The following VDAC1 variants were observed in gnomAD, a reference collection of about 807,000 sequenced individuals.
VDAC1 encodes the protein non-selective voltage-gated ion channel VDAC1.
VDAC1 carries 10 observed loss-of-function variants against 34.7 expected under a neutral mutation model. That is an observed-to-expected ratio of 0.29 (90% CI 0.18 to 0.49). VDAC1 has a LOEUF of 0.49. Among genes scored for constraint, VDAC1 ranks in the 20% least tolerant of loss-of-function variants. VDAC1 has a pLI of 0.99. For synonymous variants in VDAC1, 130 were observed against 136.0 expected, an observed-to-expected ratio of 0.96 and a Z score of 0.30; for missense variants, 230 against 347.9, an observed-to-expected ratio of 0.66 and a Z score of 2.69.
chr5:133,977,751 A>T (rs1256926700), intron 6 of VDAC1, among the ~76,000 whole-genome samples: 1 of 152,192 alleles, frequency 6.6e-6, no homozygotes, highest in Non-Finnish European at 1.5e-5. Context: ...CAGAAAACAA[A>T]AACAGTTAAA....
the VDAC1 span, among the ~76,000 whole-genome samples, chr5:134,101,313 G>A: frequency 1.3e-5 from 2 of 152,168 alleles, no homozygotes; most frequent in Admixed American, 6.6e-5. Flanking sequence ...GGATTGGCCA[G>A]GCGCGGTGGC....
At chr5:134,014,313 TACAAGTGGTCAACAA>T in the VDAC1 span, among the ~76,000 whole-genome samples, 2 of 151,834 alleles carry the variant, frequency 1.3e-5, no homozygotes, top group Admixed American at 1.3e-4. Flanking sequence ...TAAAAAGACA[TACAAGTGGTCAACAA>T]ACATGAAAAA....
At chr5:134,073,860 A>G in the VDAC1 span, among the ~76,000 whole-genome samples, 1 of 152,192 alleles carries the variant, frequency 6.6e-6, no homozygotes, top group Non-Finnish European at 1.5e-5. Flanking sequence ...TTGTATCTAC[A>G]TACTTAACAA....
chr5:134,009,418 C>T (rs1753799467), upstream of VDAC1, among the ~76,000 whole-genome samples: 1 of 151,334 alleles, frequency 6.6e-6, no homozygotes, highest in Non-Finnish European at 1.5e-5. Flanking sequence ...GACACCATGC[C>T]CAGCTAATTT....
the VDAC1 span, among the ~76,000 whole-genome samples, chr5:134,034,182 A>C: frequency 1.3e-3 from 5 of 3,960 alleles, no homozygotes; most frequent in Non-Finnish European, 2.9e-3. Context: ...GTCACGCGCA[A>C]AAAAAAAAAA....
chr5:134,083,785 G>A, the VDAC1 span, among the ~76,000 whole-genome samples: 1 of 152,270 alleles, frequency 6.6e-6, no homozygotes, highest in Non-Finnish European at 1.5e-5. Flanking sequence ...CAGAGAGGGA[G>A]ACAAGAGAGA....
rs1430885311 is a variant in VDAC1, at chr5:133,992,988, C to T, written c.25G>A (p.Asp9Asn). 5 of 1,613,356 alleles carry T rather than the reference C, an allele frequency of 3.1e-6. No individual in the cohort carries two copies. The highest frequency in any genetic ancestry group is 1.3e-5 in the African/African-American group (1 of 74,908). MAVPPTYA[D>N]LGKSARDVFT... ...ACATCCCTGGCAGATTTGCCAAGAT[C>T]GGCATACGTGGGTGGCACAGCCATC... The change falls in exon 2 of 9, where the codon GAT becomes AAT. Residue 9 changes from aspartate to asparagine, a missense_variant. Transcript: ENST00000265333.
At chr5:134,008,321 T>C (rs75642793), upstream of VDAC1, among the ~76,000 whole-genome samples, 39,690 of 151,978 alleles carry the variant, frequency 0.26, 5,656 homozygotes, top group Non-Finnish European at 0.31. Context: ...ACCAGCTGCC[T>C]GAGCCAACGG....
At chr5:134,113,066 C>T in the VDAC1 span, among the ~76,000 whole-genome samples, 6 of 152,192 alleles carry the variant, frequency 3.9e-5, no homozygotes, top group African/African-American at 9.6e-5. Context: ...GTTGAGGTGG[C>T]GGAGGCTCTG....
At chr5:134,100,022 G>A in the VDAC1 span, among the ~76,000 whole-genome samples, 58 of 152,372 alleles carry the variant, frequency 3.8e-4, no homozygotes, top group Admixed American at 3.5e-3. Flanking sequence ...ATCCAAACAC[G>A]CCCTGTGAGC....
the VDAC1 span, among the ~76,000 whole-genome samples, chr5:134,110,972 C>T: frequency 5.3e-5 from 8 of 152,332 alleles, no homozygotes; most frequent in Non-Finnish European, 1.0e-4. Flanking sequence ...TAACAACTTC[C>T]GAAAAATATC....
intron 1 of VDAC1, among the ~76,000 whole-genome samples, chr5:133,997,434 A>G (rs1166151034): frequency 1.3e-5 from 2 of 152,148 alleles, no homozygotes; most frequent in African/African-American, 4.8e-5. Flanking sequence ...TGGGTGGCTC[A>G]TGCCTGTAAT....
chr5:134,105,295 A>G, the VDAC1 span, among the ~76,000 whole-genome samples: 1 of 152,216 alleles, frequency 6.6e-6, no homozygotes, highest in African/African-American at 2.4e-5. Flanking sequence ...GCCCCCCACT[A>G]TCCTCACAAA....
chr5:134,081,286 C>T, the VDAC1 span, among the ~76,000 whole-genome samples: 17,229 of 152,070 alleles, frequency 0.11, 1,380 homozygotes, highest in African/African-American at 0.23. Flanking sequence ...ATCTGCCCGC[C>T]TCGGCCTCCC....
chr5:134,015,554 A>T, the VDAC1 span, among the ~76,000 whole-genome samples: 1 of 152,156 alleles, frequency 6.6e-6, no homozygotes, highest in Admixed American at 6.5e-5. Context: ...ACTAAGGCAA[A>T]TGGCAAGGTT....
At chr5:134,043,167 C>A in the VDAC1 span, among the ~76,000 whole-genome samples, 2 of 152,212 alleles carry the variant, frequency 1.3e-5, no homozygotes, top group Non-Finnish European at 2.9e-5. Flanking sequence ...GTGGGCCTGT[C>A]GGCCTGGCAA....
At chr5:134,048,062 G>T in the VDAC1 span, among the ~76,000 whole-genome samples, 19 of 151,930 alleles carry the variant, frequency 1.3e-4, no homozygotes, top group African/African-American at 4.6e-4. Flanking sequence ...CCGCCTCCCG[G>T]GTTCACACCA....
the VDAC1 span, among the ~76,000 whole-genome samples, chr5:134,057,519 A>ATATC: frequency 6.7e-6 from 1 of 149,418 alleles, no homozygotes; most frequent in Non-Finnish European, 1.5e-5. Context: ...ATCTATATCT[A>ATATC]TATCTATATC....
At chr5:134,072,541 A>G in the VDAC1 span, among the ~76,000 whole-genome samples, 129 of 152,258 alleles carry the variant, frequency 8.5e-4, no homozygotes, top group Admixed American at 2.9e-3. Context: ...CACTGGGGGG[A>G]AAGGACCAGG....
Sources: allele counts gnomAD v4.1 joint callset (sites outside exome capture counted in the v4.1 genomes callset), GRCh38; gene constraint gnomAD v4.1.1; transcripts MANE v1.5; gene names NCBI Gene and HGNC (gene_info 2026-07-23, HGNC 2026-07-21).